UBE2V2: variants seen among roughly 807,000 people sequenced by gnomAD.
UBE2V2 encodes ubiquitin conjugating enzyme E2 V2.
In UBE2V2, 9 loss-of-function variants were observed where a neutral mutation model predicts 17.2. That is an observed-to-expected ratio of 0.52 (90% CI 0.32 to 0.91). The LOEUF (loss-of-function observed/expected upper bound fraction) is 0.91, where lower values mean the gene tolerates loss of function less well. UBE2V2 is among the 40% of genes least tolerant of loss of function. The pLI is 0.04. For missense variants in UBE2V2, 133 were observed against 182.6 expected (o/e 0.73, Z 1.56); for synonymous variants, 61 against 57.5 (o/e 1.06, Z -0.28).
At chr8:48,006,888 T>C (rs556559615), upstream of UBE2V2, among the ~76,000 whole-genome samples, 3 of 152,178 alleles carry the variant, frequency 2.0e-5, no homozygotes, top group Non-Finnish European at 4.4e-5. Flanking sequence ...TATTTTTTTT[T>C]ATTTTGAGAT....
chr8:48,043,807 A>G (rs936668680), intron 2 of UBE2V2, among the ~76,000 whole-genome samples: 8 of 152,010 alleles, frequency 5.3e-5, no homozygotes, highest in African/African-American at 1.5e-4. Flanking sequence ...TAAAAAGTCT[A>G]TGATTCTTAC....
chr8:48,019,948 G>T (rs1297612340), intron 1 of UBE2V2, among the ~76,000 whole-genome samples: 1 of 152,160 alleles, frequency 6.6e-6, no homozygotes, highest in East Asian at 1.9e-4. Context: ...TCCAACCTGG[G>T]CAACAGAGTG....
rs185884926 is a variant in UBE2V2 at position 48,049,213 on chromosome 8, C to T, written c.166-640C>T. ...AACCTCAAAATTAATGAAGTGGCAA[C>T]GTAAGTATAACTAACAGGGGACATA... is the stretch of plus-strand genomic sequence containing the variant. On this transcript the variant is annotated intron_variant, in intron 2 of 3. Coordinates refer to ENST00000523111, the MANE Select transcript of UBE2V2 (RefSeq NM_003350.3). Among the ~76,000 whole-genome samples, 48 of 152,172 alleles carry T rather than the reference C, an allele frequency of 3.2e-4. No individual in the cohort carries two copies. In the East Asian group the frequency reaches 8.9e-3, roughly 28 times the overall value.
At chr8:48,016,287 CTT>C (rs1268255755) in intron 1 of UBE2V2, among the ~76,000 whole-genome samples, 1 of 152,168 alleles carries the variant, frequency 6.6e-6, no homozygotes, top group Non-Finnish European at 1.5e-5. Context: ...GCAGGCCTCT[CTT>C]TGACATACTG....
intron 1 of UBE2V2, among the ~76,000 whole-genome samples, chr8:48,041,259 C>T (rs970709410): frequency 5.9e-5 from 9 of 151,504 alleles, no homozygotes; most frequent in Admixed American, 6.6e-5. Context: ...GCAGCCTCCG[C>T]CTCTGGAACA....
chr8:48,023,842 C>G (rs1387184799), intron 1 of UBE2V2, among the ~76,000 whole-genome samples: 3 of 152,108 alleles, frequency 2.0e-5, no homozygotes, highest in Non-Finnish European at 2.9e-5. Flanking sequence ...CGCCACTGTA[C>G]TCCAGCTTGG....
chr8:48,007,889 T>A (rs1247767768), upstream of UBE2V2, among the ~76,000 whole-genome samples: 3 of 152,092 alleles, frequency 2.0e-5, no homozygotes, highest in Non-Finnish European at 4.4e-5. Flanking sequence ...CTCTTTTGAA[T>A]CGTTTATCAA....
Position 48,061,328 on chromosome 8 carries a change from G to C in UBE2V2, c.*500G>C, listed in dbSNP as rs1802588940. ...CTAGTAGTATCAAAAATATGTTCAG[G>C]ATTGTTTTGATACCTGTATTTATAA... On this transcript the variant is annotated 3_prime_UTR_variant, in exon 4 of 4. Coordinates refer to ENST00000523111, the MANE Select transcript of UBE2V2 (RefSeq NM_003350.3). The C allele has an allele frequency of 6.6e-6, 1 of 152,558 alleles. No homozygotes were observed. Among genetic ancestry groups the C allele is most frequent in the African/African-American group, 2.4e-5 (1 of 41,442 alleles). 9.5% of individuals were successfully genotyped at this position (152,558 alleles called of 1,614,324 possible).
intron 1 of UBE2V2, among the ~76,000 whole-genome samples, chr8:48,015,818 T>C (rs1589849919): frequency 6.6e-6 from 1 of 152,244 alleles, no homozygotes; most frequent in African/African-American, 2.4e-5. Context: ...AATGAGAGAA[T>C]TTCCTTCTTT....
At chr8:48,036,078 C>T (rs746132915) in intron 1 of UBE2V2, among the ~76,000 whole-genome samples, 3 of 151,328 alleles carry the variant, frequency 2.0e-5, no homozygotes, top group Non-Finnish European at 2.9e-5. Flanking sequence ...TGTTAGCCTC[C>T]GGAGCAGCTC....
intron 1 of UBE2V2, among the ~76,000 whole-genome samples, chr8:48,034,562 TCCCCCACCCCCCCTTTTTTTTTAA>T: frequency 6.6e-6 from 1 of 151,650 alleles, no homozygotes; most frequent in African/African-American, 2.4e-5. Flanking sequence ...CTATTAGGTC[TCCCCCACCCCCCCTTTTTTTTTAA>T]CTTATACACA....
chr8:48,001,187 C>T, the UBE2V2 span, among the ~76,000 whole-genome samples: 2 of 152,106 alleles, frequency 1.3e-5, no homozygotes, highest in African/African-American at 2.4e-5. Context: ...CCTCAGAGCC[C>T]GCTTAGCATT....
chr8:48,047,091 G>A (rs1211505506), intron 2 of UBE2V2, among the ~76,000 whole-genome samples: 2 of 151,792 alleles, frequency 1.3e-5, no homozygotes, highest in African/African-American at 2.4e-5. Flanking sequence ...ACAGGCATGC[G>A]ACACCATGCC....
chr8:48,001,124 C>T, the UBE2V2 span, among the ~76,000 whole-genome samples: 1 of 152,148 alleles, frequency 6.6e-6, no homozygotes, highest in Admixed American at 6.5e-5. Context: ...CACTATTTTC[C>T]CAACTTAATC....
chr8:48,026,622 A>G (rs2091348101), intron 1 of UBE2V2, among the ~76,000 whole-genome samples: 1 of 152,206 alleles, frequency 6.6e-6, no homozygotes, highest in Non-Finnish European at 1.5e-5. Flanking sequence ...AATCTGTCTC[A>G]ATAGATTTAC....
intron 3 of UBE2V2, among the ~76,000 whole-genome samples, chr8:48,051,460 A>T (rs999085239): frequency 3.3e-5 from 5 of 152,108 alleles, no homozygotes; most frequent in Admixed American, 6.6e-5. Flanking sequence ...ACATATGTAC[A>T]CAAATTCATC....
chr8:48,009,792 A>G (rs138144924), intron 1 of UBE2V2, among the ~76,000 whole-genome samples: 184 of 152,304 alleles, frequency 1.2e-3, no homozygotes, highest in African/African-American at 4.1e-3. Context: ...TATAGGTGTC[A>G]TAGGTTTTAA....
chr8:48,043,797 TA>T (rs1401932978), intron 2 of UBE2V2, among the ~76,000 whole-genome samples: 1 of 152,234 alleles, frequency 6.6e-6, no homozygotes, highest in Non-Finnish European at 1.5e-5. Flanking sequence ...TCTTCATCTA[TA>T]AAAAGTCTAT....
At chr8:48,033,093 T>G (rs1308275298) in intron 1 of UBE2V2, among the ~76,000 whole-genome samples, 1 of 152,184 alleles carries the variant, frequency 6.6e-6, no homozygotes, top group African/African-American at 2.4e-5. Flanking sequence ...CATGAAGGAC[T>G]CATTTGCTTG....
Sources: gnomAD v4.1 joint callset for allele counts (sites outside exome capture counted in the v4.1 genomes callset) on GRCh38, gnomAD v4.1.1 for gene constraint, MANE v1.5 for transcripts, NCBI Gene and HGNC (gene_info 2026-07-23, HGNC 2026-07-21) for gene names.